ANKAR: variants seen among roughly 807,000 people sequenced by gnomAD.
ANKAR encodes ankyrin and armadillo repeat containing.
ANKAR carries 136 observed loss-of-function variants against 146.2 expected under a neutral mutation model. That is an observed-to-expected ratio of 0.93 (90% CI 0.81 to 1.07). The LOEUF is 1.07. Ranked by LOEUF, ANKAR falls within the 50% of genes least tolerant of loss-of-function variation. ANKAR has a pLI of 0.00. For synonymous variants in ANKAR, 500 were observed against 575.8 expected (o/e 0.87, Z 1.88); for missense variants, 1,567 against 1,679.9 (o/e 0.93, Z 1.18).
At chr2:189,707,359 A>G (rs1267678546) in intron 9 of ANKAR, among the ~76,000 whole-genome samples, 1 of 150,692 alleles carries the variant, frequency 6.6e-6, no homozygotes, top group Admixed American at 6.6e-5. Flanking sequence ...CCATGTTAAA[A>G]TCAAAGATCT....
intron 10 of ANKAR, among the ~76,000 whole-genome samples, chr2:189,716,260 T>C (rs2040448450): frequency 6.6e-6 from 1 of 152,170 alleles, no homozygotes. Context: ...ACAAAATCAA[T>C]GTGCAAAAAT....
intron 18 of ANKAR, chr2:189,754,885 G>T: frequency 2.8e-6 from 1 of 358,960 alleles, no homozygotes; most frequent in Non-Finnish European, 5.0e-6. Flanking sequence ...GTTAGTTTAC[G>T]AAGCACGTTC....
intron 18 of ANKAR, chr2:189,752,989 T>C (rs1462502977): frequency 2.5e-6 from 4 of 1,598,108 alleles, no homozygotes; most frequent in South Asian, 2.3e-5. Flanking sequence ...CCTGAAGGAA[T>C]TGAGAAAACC....
intron 10 of ANKAR, among the ~76,000 whole-genome samples, chr2:189,716,814 A>G (rs2040526361): frequency 1.3e-5 from 2 of 151,742 alleles, no homozygotes; most frequent in Admixed American, 1.3e-4. Context: ...ATCTTTGACA[A>G]ACCTGACAAA....
chr2:189,708,007 G>T (rs2039185870), intron 9 of ANKAR, among the ~76,000 whole-genome samples: 4 of 152,118 alleles, frequency 2.6e-5, no homozygotes, highest in Non-Finnish European at 5.9e-5. Context: ...AGATGCCAAG[G>T]CTAGAATTCT....
downstream of ANKAR, chr2:189,750,584 C>T (rs1574843025): frequency 6.4e-7 from 1 of 1,566,348 alleles, no homozygotes; most frequent in East Asian, 2.3e-5. Flanking sequence ...GAAATCATAT[C>T]TCCATTTTTA....
At chr2:189,761,335 T>G, downstream of ANKAR, 1 of 1,431,146 alleles carries the variant, frequency 7.0e-7, no homozygotes, top group Non-Finnish European at 9.3e-7. Flanking sequence ...CAGTAGCTCC[T>G]GAAAACTTTT....
intron 6 of ANKAR, 146 bp from the exon 7 acceptor site, chr2:189,696,004 A>C (rs1271023606): frequency 1.6e-5 from 10 of 644,254 alleles, no homozygotes; most frequent in Non-Finnish European, 2.6e-5. Flanking sequence ...ATCCAGTAAG[A>C]AACTTTCCAT....
At chr2:189,682,681 A>G (rs924675369) in intron 2 of ANKAR, among the ~76,000 whole-genome samples, 1 of 152,144 alleles carries the variant, frequency 6.6e-6, no homozygotes, top group Non-Finnish European at 1.5e-5. Context: ...CCTAGGTTAC[A>G]CTCCAAATTG....
intron 20 of ANKAR, among the ~76,000 whole-genome samples, chr2:189,742,975 CACACA>C (rs1559148069): frequency 2.7e-4 from 33 of 122,366 alleles, no homozygotes; most frequent in East Asian, 9.9e-4. Context: ...CACACACACA[CACACA>C]CCCCTGAAAG....
At chr2:189,755,336 T>A in intron 18 of ANKAR, 1 of 1,613,354 alleles carries the variant, frequency 6.2e-7, no homozygotes, top group African/African-American at 1.3e-5. Flanking sequence ...TGCATGAGCC[T>A]CCATATGATG....
At chr2:189,714,539 A>C (rs2040155071) in intron 10 of ANKAR, among the ~76,000 whole-genome samples, 1 of 152,236 alleles carries the variant, frequency 6.6e-6, no homozygotes, top group South Asian at 2.1e-4. Context: ...TGAAGGCAGA[A>C]ATAAAGATGT....
chr2:189,731,359 G>A (rs1201906383), intron 16 of ANKAR, among the ~76,000 whole-genome samples: 1 of 138,074 alleles, frequency 7.2e-6, no homozygotes. Flanking sequence ...AAATAGCATT[G>A]TTTCTTTTTC....
At chr2:189,695,671 G>T (rs1338037446) in intron 6 of ANKAR, among the ~76,000 whole-genome samples, 2 of 152,154 alleles carry the variant, frequency 1.3e-5, no homozygotes, top group African/African-American at 2.4e-5. Flanking sequence ...AGCTTCAAAG[G>T]TTAGACTGGT....
intron 19 of ANKAR, among the ~76,000 whole-genome samples, chr2:189,739,125 A>C (rs1322624411): frequency 6.6e-6 from 1 of 152,242 alleles, no homozygotes; most frequent in Non-Finnish European, 1.5e-5. Context: ...AAGCAAAGCA[A>C]GATGGTCCCA....
At chr2:189,754,437 C>T (rs2045756860) in intron 18 of ANKAR, 7 of 1,173,420 alleles carry the variant, frequency 6.0e-6, no homozygotes, top group Non-Finnish European at 8.3e-6. Flanking sequence ...ACTAACAAAA[C>T]AAAAAACCCC....
At chr2:189,689,472 C>T (rs1219872358) in intron 2 of ANKAR, 55 bp from the exon 3 acceptor site, 8 of 1,401,926 alleles carry the variant, frequency 5.7e-6, no homozygotes, top group Non-Finnish European at 7.7e-6. Flanking sequence ...TGTATTTATC[C>T]AGAAGCCAAA....
At chr2:189,736,177 G>T (rs2042815983) in intron 17 of ANKAR, among the ~76,000 whole-genome samples, 1 of 152,148 alleles carries the variant, frequency 6.6e-6, no homozygotes, top group Non-Finnish European at 1.5e-5. Context: ...CAAACTATGG[G>T]ATTCATTTTG....
rs777313664 is a variant in ANKAR, at chr2:189,676,611, A to C, written c.121A>C (p.Ser41Arg). 6 of 1,613,794 alleles carry C rather than the reference A, an allele frequency of 3.7e-6. No individual in the cohort carries two copies. Among genetic ancestry groups the C allele is most frequent in the Non-Finnish European group, 5.1e-6 (6 of 1,179,924 alleles). Residue 41 changes from serine (S) to arginine (R), a missense_variant, in exon 2 of 23, where the codon AGT (serine) becomes CGT (arginine). Coordinates refer to ENST00000684021, the MANE Select transcript of ANKAR (RefSeq NM_001378068.1). ...TGCTTTTTTTGAAAAATATGATCGG[A>C]GTGAAATACAAGAGTTACTAACTAC... is the stretch of plus-strand genomic sequence containing the variant. ...ASAFFEKYDR[S>R]EIQELLTTAL...
Sources: allele counts gnomAD v4.1 joint callset (sites outside exome capture counted in the v4.1 genomes callset), GRCh38; gene constraint gnomAD v4.1.1; transcripts MANE v1.5; gene names NCBI Gene and HGNC (gene_info 2026-07-23, HGNC 2026-07-21).